Variants in HYLS1 observed in about 807,000 individuals in gnomAD.
HYLS1 encodes the protein HYLS1 centriolar and ciliogenesis associated.
Under a neutral mutation model 29.4 loss-of-function variants are expected in HYLS1, and 25 were observed. That is an observed-to-expected ratio of 0.85 (90% CI 0.62 to 1.19). The LOEUF (loss-of-function observed/expected upper bound fraction) is 1.19, where lower values mean the gene tolerates loss of function less well. Ranked by LOEUF, HYLS1 falls within the 50% of genes most tolerant of loss-of-function variation. The probability of loss-of-function intolerance (pLI) is 0.00; values close to 1 mark genes in which losing one functional copy is unlikely to be tolerated. For synonymous variants in HYLS1, 128 were observed against 126.7 expected (o/e 1.01, Z -0.07); for missense variants, 352 against 365.1 (o/e 0.96, Z 0.29).
At chr11:125,891,897 C>T (rs1944418569) in intron 2 of HYLS1, among the ~76,000 whole-genome samples, 1 of 152,186 alleles carries the variant, frequency 6.6e-6, no homozygotes, top group Middle Eastern at 3.4e-3. Flanking sequence ...TGTGGTCCAC[C>T]CCCCTTCTGT....
chr11:125,891,142 A>G (rs1297452112), intron 1 of HYLS1, among the ~76,000 whole-genome samples: 1 of 152,222 alleles, frequency 6.6e-6, no homozygotes, highest in African/African-American at 2.4e-5. Context: ...GTACTTTTGC[A>G]AAGTTGCATT....
chr11:125,888,458 G>A (rs1457065338), intron 1 of HYLS1, among the ~76,000 whole-genome samples: 1 of 152,106 alleles, frequency 6.6e-6, no homozygotes, highest in Non-Finnish European at 1.5e-5. Context: ...TTTTCTAGAG[G>A]GCAGTTTGGC....
chr11:125,891,202 A>G (rs1205654142), intron 1 of HYLS1, among the ~76,000 whole-genome samples: 6 of 152,140 alleles, frequency 3.9e-5, no homozygotes, highest in African/African-American at 1.2e-4. Context: ...GACTTTTTCT[A>G]TGGCAACTAC....
intron 2 of HYLS1, among the ~76,000 whole-genome samples, chr11:125,891,973 T>G (rs1037738225): frequency 3.9e-5 from 6 of 152,218 alleles, no homozygotes; most frequent in Non-Finnish European, 2.9e-5. Flanking sequence ...CCATGTGTTA[T>G]TTGCACTAGC....
In HYLS1 at chr11:125,899,655, G is replaced by T; in HGVS notation, c.287G>T (p.Arg96Ile). 1 of 1,614,242 alleles carries T rather than the reference G, an allele frequency of 6.2e-7. No homozygotes were observed. The highest frequency in any genetic ancestry group is 2.2e-5 in the East Asian group (1 of 44,890). Residue 96 changes from arginine to isoleucine, a missense_variant, in exon 3 of 3, where the codon AGA becomes ATA. Transcript: ENST00000425380. ...SQRLRKPVMK[R>I]KVLRRKPDGE... Reference sequence around the variant, plus strand: ...AGACTCCGAAAGCCAGTGATGAAGAGAAAGGTGCTGCGCAGAAAGCCAGAT... The same window carrying T: ...AGACTCCGAAAGCCAGTGATGAAGATAAAGGTGCTGCGCAGAAAGCCAGAT...
chr11:125,884,002 G>A (rs1404294013), upstream of HYLS1: 1 of 152,238 alleles, frequency 6.6e-6, no homozygotes, highest in Non-Finnish European at 1.5e-5. Flanking sequence ...GAAGAGAGCT[G>A]TGTTGCAATC....
At chr11:125,885,444 C>A (rs1225349238), upstream of HYLS1, among the ~76,000 whole-genome samples, 2 of 151,500 alleles carry the variant, frequency 1.3e-5, no homozygotes, top group African/African-American at 4.9e-5. Flanking sequence ...GAGAGAGACT[C>A]TGTCTCAAAA....
chr11:125,898,537 TGGTGGCCCACA>T (rs1944660888), intron 2 of HYLS1, among the ~76,000 whole-genome samples: 1 of 152,106 alleles, frequency 6.6e-6, no homozygotes, highest in Admixed American at 6.5e-5. Flanking sequence ...TAGCCAGGCG[TGGTGGCCCACA>T]CCTGTAGTAG....
At chr11:125,889,323 A>G (rs1422136511) in intron 1 of HYLS1, among the ~76,000 whole-genome samples, 2 of 152,186 alleles carry the variant, frequency 1.3e-5, no homozygotes, top group Non-Finnish European at 2.9e-5. Flanking sequence ...ATGGTATGGT[A>G]GTGGTCACTT....
At chr11:125,883,871 T>C (rs1944264089), upstream of HYLS1, 1 of 151,568 alleles carries the variant, frequency 6.6e-6, no homozygotes, top group South Asian at 2.1e-4. Flanking sequence ...CGAGACTCTG[T>C]CTCAAAAAAA....
upstream of HYLS1, among the ~76,000 whole-genome samples, chr11:125,884,579 G>A (rs1000136018): frequency 2.6e-5 from 4 of 152,192 alleles, no homozygotes; most frequent in African/African-American, 9.7e-5. Flanking sequence ...ACTGCAGTCC[G>A]GCCTGGGTGA....
intron 2 of HYLS1, chr11:125,896,381 G>T: frequency 8.3e-7 from 1 of 1,201,200 alleles, no homozygotes; most frequent in Non-Finnish European, 1.2e-6. Flanking sequence ...TTCCTTTGAT[G>T]ATGTTCTAAT....
At position 125,887,673 on chromosome 11, in the gene HYLS1, G is replaced by A. The variant is rs1944329630; in HGVS notation, c.-168G>A. On this transcript the variant is annotated 5_prime_UTR_variant, in exon 1 of 3. Transcript: ENST00000425380. Reference sequence around the variant, plus strand: ...GGCTCGGCGCGTGGGCCGGCAGTGCGCCTGCGCAAGTTACGCGAAAGCTAA... The same window carrying A: ...GGCTCGGCGCGTGGGCCGGCAGTGCACCTGCGCAAGTTACGCGAAAGCTAA... 6.6e-6 allele frequency: 1 copy of A among 152,358 alleles called. No individual in the cohort carries two copies. The highest frequency in any genetic ancestry group is 2.4e-5 in the African/African-American group (1 of 41,484). 9.4% of individuals were successfully genotyped at this position (152,358 alleles called of 1,614,324 possible).
At chr11:125,896,078 T>G in intron 2 of HYLS1, 1 of 1,614,252 alleles carries the variant, frequency 6.2e-7, no homozygotes, top group South Asian at 1.1e-5. Flanking sequence ...CCATATAGGC[T>G]ATTCTTAGGG....
chr11:125,883,636 G>C (rs2134220582), upstream of HYLS1: 1 of 152,368 alleles, frequency 6.6e-6, no homozygotes, highest in South Asian at 2.1e-4. Flanking sequence ...TTGGGAGGGA[G>C]GCCAAGGCGG....
upstream of HYLS1, among the ~76,000 whole-genome samples, chr11:125,885,725 G>A (rs1189781601): frequency 6.6e-6 from 1 of 152,252 alleles, no homozygotes. Context: ...GCAAGGCAGG[G>A]GGTAAGCCGT....
chr11:125,887,822 C>T (rs938096210), intron 1 of HYLS1, 57 bp downstream of exon 1: 3 of 152,266 alleles, frequency 2.0e-5, no homozygotes, highest in African/African-American at 7.2e-5. Flanking sequence ...GCTGCCGGCC[C>T]ACTGCGGCGG....
upstream of HYLS1, chr11:125,887,063 G>C (rs1944317405): frequency 6.6e-6 from 1 of 152,588 alleles, no homozygotes; most frequent in Non-Finnish European, 1.5e-5. Flanking sequence ...TGGAGACGCA[G>C]CCACGGGTCA....
At chr11:125,895,339 G>T (rs775188036) in intron 2 of HYLS1, 20 of 1,614,184 alleles carry the variant, frequency 1.2e-5, no homozygotes, top group Non-Finnish European at 1.7e-5. Flanking sequence ...CGGACTTGAT[G>T]ATAAAGGAAT....
Sources: gnomAD v4.1 joint callset for allele counts (sites outside exome capture counted in the v4.1 genomes callset) on GRCh38, gnomAD v4.1.1 for gene constraint, MANE v1.5 for transcripts, NCBI Gene and HGNC (gene_info 2026-07-23, HGNC 2026-07-21) for gene names.